LDAH: variants seen among roughly 807,000 people sequenced by gnomAD.
LDAH encodes the protein lipid droplet-associated hydrolase.
Under a neutral mutation model 29.6 loss-of-function variants are expected in LDAH, and 26 were observed. That is an observed-to-expected ratio of 0.88 (90% CI 0.64 to 1.22). The LOEUF (loss-of-function observed/expected upper bound fraction) is 1.22. LDAH is among the 50% of genes most tolerant of loss of function. The pLI is 0.00. For synonymous variants in LDAH, 117 were observed against 133.0 expected (o/e 0.88, Z 0.83); for missense variants, 344 against 387.3 (o/e 0.89, Z 0.94).
chr2:20,795,980 C>A (rs1278254076), intron 2 of LDAH, among the ~76,000 whole-genome samples: 2 of 147,934 alleles, frequency 1.4e-5, no homozygotes, highest in African/African-American at 5.0e-5. Flanking sequence ...CACACACACA[C>A]ACACAAAATA....
intron 6 of LDAH, among the ~76,000 whole-genome samples, chr2:20,692,734 G>C (rs1228527889): frequency 6.6e-6 from 1 of 152,244 alleles, no homozygotes; most frequent in East Asian, 1.9e-4. Context: ...TGTTTCCAAC[G>C]AGAAATCCAG....
At chr2:20,775,679 C>T (rs971758223) in intron 3 of LDAH, among the ~76,000 whole-genome samples, 8 of 152,124 alleles carry the variant, frequency 5.3e-5, no homozygotes, top group Non-Finnish European at 1.0e-4. Flanking sequence ...CCTGAAATAT[C>T]CTCCCTCCCT....
At position 20,762,214 on chromosome 2, in the gene LDAH, A is replaced by G. The variant is rs1668735374; in HGVS notation, c.468+12596T>C. The stretch of plus-strand genomic sequence containing the variant: ...GATGTTTCCAATTTTTTGTTATAAT[A>G]GATAATAGTTTTGCACATGATTTTT... On this transcript the variant is annotated intron_variant, in intron 4 of 6. Coordinates refer to ENST00000237822, the MANE Select transcript of LDAH (RefSeq NM_021925.4). 2.0e-5 allele frequency among the ~76,000 whole-genome samples: 3 copies of G among 152,106 alleles called. No homozygotes were observed. In the South Asian group the frequency reaches 6.2e-4, roughly 31 times the overall value.
At chr2:20,756,456 A>C (rs963464538) in intron 4 of LDAH, among the ~76,000 whole-genome samples, 1 of 152,184 alleles carries the variant, frequency 6.6e-6, no homozygotes, top group Non-Finnish European at 1.5e-5. Flanking sequence ...ATTCAGAATG[A>C]ATACAGACAA....
intron 5 of LDAH, among the ~76,000 whole-genome samples, chr2:20,719,021 T>C (rs1665449048): frequency 1.3e-5 from 2 of 151,910 alleles, no homozygotes; most frequent in South Asian, 4.1e-4. Context: ...AAAGTAGGAC[T>C]AAGAGGGAAG....
rs1241245089 is a variant in LDAH, at chr2:20,816,617, G to C, written c.-3+6420C>G. Among the ~76,000 whole-genome samples, 8 of 151,662 alleles carry C rather than the reference G, an allele frequency of 5.3e-5. No homozygotes were observed. In the East Asian group the frequency reaches 1.5e-3, roughly 29 times the overall value. On this transcript the variant is annotated intron_variant, in intron 1 of 6. Coordinates refer to ENST00000237822, the MANE Select transcript of LDAH (RefSeq NM_021925.4). ...GAAGCCAAAACCAACAGAGCTCAAAGGAAAAACAGAGACATCCATAATTAT... is the reference window on the plus strand; with the variant it reads ...GAAGCCAAAACCAACAGAGCTCAAACGAAAAACAGAGACATCCATAATTAT...
In LDAH at chr2:20,686,869, G is replaced by A. The variant is rs1164040582; in HGVS notation, c.*34C>T. The A allele has an allele frequency of 6.4e-7, 1 of 1,572,644 alleles. No individual in the cohort carries two copies. Among genetic ancestry groups the A allele is most frequent in the East Asian group, 2.2e-5 (1 of 44,618 alleles). ...AGTCTAGTACACTGACTGCCTCCAT[G>A]TACTGGCAGTGGGGGCTTGTTCCTC... is the stretch of plus-strand genomic sequence containing the variant. On this transcript the variant is annotated 3_prime_UTR_variant, in exon 7 of 7. Transcript: ENST00000237822.
At chr2:20,788,569 A>C (rs1670719159) in intron 3 of LDAH, among the ~76,000 whole-genome samples, 2 of 152,228 alleles carry the variant, frequency 1.3e-5, no homozygotes, top group Non-Finnish European at 2.9e-5. Flanking sequence ...ATAGATGTAA[A>C]ATGTAACTTT....
chr2:20,710,621 G>GATAT (rs1425980239), intron 5 of LDAH, among the ~76,000 whole-genome samples: 1 of 125,498 alleles, frequency 8.0e-6, no homozygotes, highest in East Asian at 2.3e-4. Context: ...TATATATATA[G>GATAT]ATATATATAT....
chr2:20,687,971 C>T (rs1465237931), intron 6 of LDAH, among the ~76,000 whole-genome samples: 1 of 152,246 alleles, frequency 6.6e-6, no homozygotes, highest in Admixed American at 6.5e-5. Flanking sequence ...CTAGCTCCAG[C>T]CCCTAGTTGG....
intron 5 of LDAH, among the ~76,000 whole-genome samples, chr2:20,723,134 G>A (rs1187008422): frequency 6.6e-6 from 1 of 152,216 alleles, no homozygotes; most frequent in African/African-American, 2.4e-5. Flanking sequence ...ATACACTGTA[G>A]TGCATTCATC....
chr2:20,702,960 G>A (rs182494274), intron 5 of LDAH, among the ~76,000 whole-genome samples: 1 of 152,332 alleles, frequency 6.6e-6, no homozygotes, highest in African/African-American at 2.4e-5. Context: ...CAGAGTAGCT[G>A]GGATTACAGG....
At chr2:20,816,503 C>T (rs886753987) in intron 1 of LDAH, among the ~76,000 whole-genome samples, 2 of 151,672 alleles carry the variant, frequency 1.3e-5, no homozygotes, top group Non-Finnish European at 2.9e-5. Flanking sequence ...GACTTCAGAG[C>T]AAAGAAAATT....
At chr2:20,789,942 A>C (rs1467746447) in intron 3 of LDAH, among the ~76,000 whole-genome samples, 1 of 152,194 alleles carries the variant, frequency 6.6e-6, no homozygotes, top group African/African-American at 2.4e-5. Context: ...ATGGTTGGGG[A>C]CTGCTTTTTC....
chr2:20,751,552 C>T (rs1396403346), intron 4 of LDAH, among the ~76,000 whole-genome samples: 1 of 152,212 alleles, frequency 6.6e-6, no homozygotes, highest in Non-Finnish European at 1.5e-5. Flanking sequence ...CACACATATG[C>T]TCTCCCTCAG....
At chr2:20,807,365 T>C (rs2125127428) in intron 1 of LDAH, among the ~76,000 whole-genome samples, 1 of 152,160 alleles carries the variant, frequency 6.6e-6, no homozygotes, top group East Asian at 1.9e-4. Flanking sequence ...CCCAACTCAT[T>C]TTATGCAATC....
chr2:20,733,155 C>A (rs1308352805), intron 5 of LDAH, among the ~76,000 whole-genome samples: 1 of 151,998 alleles, frequency 6.6e-6, no homozygotes, highest in East Asian at 1.9e-4. Flanking sequence ...ATTTTTGTCT[C>A]ATCACTGTTT....
intron 5 of LDAH, among the ~76,000 whole-genome samples, chr2:20,728,004 T>C (rs1666133155): frequency 6.6e-6 from 1 of 152,186 alleles, no homozygotes; most frequent in Non-Finnish European, 1.5e-5. Context: ...GGATGTGCCA[T>C]CTTTGCCAAA....
chr2:20,703,078 G>A (rs1430946527), intron 5 of LDAH, among the ~76,000 whole-genome samples: 1 of 152,128 alleles, frequency 6.6e-6, no homozygotes, highest in Non-Finnish European at 1.5e-5. Context: ...CGCCTGCCTT[G>A]GCCTCTCAAA....
Sources: gnomAD v4.1 joint callset for allele counts (sites outside exome capture counted in the v4.1 genomes callset) on GRCh38, gnomAD v4.1.1 for gene constraint, MANE v1.5 for transcripts, NCBI Gene and HGNC (gene_info 2026-07-23, HGNC 2026-07-21) for gene names.